Variants in MAML2 observed in about 807,000 individuals in gnomAD.
MAML2 encodes mastermind-like protein 2.
In MAML2, 22 loss-of-function variants were observed where a neutral mutation model predicts 96.1. The ratio of observed to expected loss-of-function variants is 0.23; its 90% CI spans 0.16 to 0.33. MAML2 has a LOEUF of 0.33. MAML2 is among the 10% of genes least tolerant of loss of function. The probability of loss-of-function intolerance (pLI) is 1.00; values close to 1 mark genes in which losing one functional copy is unlikely to be tolerated. For synonymous variants in MAML2, 561 were observed against 521.3 expected, an observed-to-expected ratio of 1.08 and a Z score of -1.04; for missense variants, 1,367 against 1,392.4, an observed-to-expected ratio of 0.98 and a Z score of 0.29.
At chr11:95,999,690 C>A (rs918146434) in intron 2 of MAML2, among the ~76,000 whole-genome samples, 3 of 151,928 alleles carry the variant, frequency 2.0e-5, no homozygotes, top group Non-Finnish European at 2.9e-5. Context: ...ATTTTCCCCC[C>A]ACAAAAATGA....
intron 1 of MAML2, among the ~76,000 whole-genome samples, chr11:96,303,999 A>G (rs762971297): frequency 3.3e-5 from 5 of 152,230 alleles, no homozygotes; most frequent in Non-Finnish European, 5.9e-5. Context: ...GGGTGCCAGG[A>G]TCCAGAGTGG....
rs901825346 is a variant in MAML2 at position 96,304,709 on chromosome 11, T to C, written c.513+36674A>G. On this transcript the variant is annotated intron_variant, in intron 1 of 4. Coordinates refer to ENST00000524717, the MANE Select transcript of MAML2 (RefSeq NM_032427.4). ...GTAATGAATGTATTCATATAAACTC[T>C]TCTTGCAGCAGGCAGAGGAGATACA... Among the ~76,000 whole-genome samples the C allele has an allele frequency of 2.0e-5, 3 of 152,216 alleles. No homozygotes were observed. In the East Asian group the frequency reaches 5.8e-4, roughly 29 times the overall value.
At chr11:96,182,963 T>C (rs866882323) in intron 1 of MAML2, among the ~76,000 whole-genome samples, 28 of 147,906 alleles carry the variant, frequency 1.9e-4, no homozygotes, top group East Asian at 9.8e-4. Context: ...TTTTCTTTTT[T>C]TTTTTTTTTT....
chr11:96,023,827 T>C (rs2135739147), intron 2 of MAML2, among the ~76,000 whole-genome samples: 1 of 152,250 alleles, frequency 6.6e-6, no homozygotes. Flanking sequence ...AGGAGAAAGT[T>C]AGGGAAGCTG....
intron 1 of MAML2, among the ~76,000 whole-genome samples, chr11:96,236,846 A>T (rs972405426): frequency 2.6e-5 from 4 of 152,108 alleles, no homozygotes; most frequent in African/African-American, 9.7e-5. Context: ...TGCCTTTACC[A>T]CATATTATAT....
intron 1 of MAML2, among the ~76,000 whole-genome samples, chr11:96,247,602 A>G (rs1289457325): frequency 6.6e-6 from 1 of 152,160 alleles, no homozygotes; most frequent in Non-Finnish European, 1.5e-5. Context: ...GCTAGGCAGA[A>G]GATGGTGAAG....
chr11:96,118,302 A>G (rs758659270), intron 1 of MAML2, among the ~76,000 whole-genome samples: 3 of 144,984 alleles, frequency 2.1e-5, no homozygotes, highest in African/African-American at 4.9e-5. Context: ...AATTGTAATC[A>G]TTGTAATCCC....
intron 1 of MAML2, among the ~76,000 whole-genome samples, chr11:96,321,034 T>C (rs890003871): frequency 2.6e-5 from 4 of 151,484 alleles, no homozygotes; most frequent in Admixed American, 6.6e-5. Flanking sequence ...TGCCTTCAAA[T>C]AGGGTTTGTG....
At chr11:96,079,057 T>C (rs913948658) in intron 2 of MAML2, among the ~76,000 whole-genome samples, 1 of 152,194 alleles carries the variant, frequency 6.6e-6, no homozygotes, top group African/African-American at 2.4e-5. Context: ...AATGAACTGA[T>C]TGGCATAAAA....
chr11:96,104,849 G>T (rs1045879200), intron 1 of MAML2, among the ~76,000 whole-genome samples: 1 of 151,872 alleles, frequency 6.6e-6, no homozygotes, highest in African/African-American at 2.4e-5. Flanking sequence ...CAATGAAAGG[G>T]GGAGGGAGAA....
chr11:96,103,408 C>G (rs1041402131), intron 1 of MAML2, among the ~76,000 whole-genome samples: 39 of 152,164 alleles, frequency 2.6e-4, no homozygotes, highest in Non-Finnish European at 1.6e-4. Flanking sequence ...AGCCATATAG[C>G]TGATTCTTAG....
At chr11:96,322,298 G>A (rs189848705) in intron 1 of MAML2, among the ~76,000 whole-genome samples, 1 of 152,082 alleles carries the variant, frequency 6.6e-6, no homozygotes, top group African/African-American at 2.4e-5. Context: ...ATGGTAAGAG[G>A]TCACTTAAAA....
chr11:96,223,227 T>C (rs11021476), intron 1 of MAML2, among the ~76,000 whole-genome samples: 18,905 of 152,136 alleles, frequency 0.12, 1,360 homozygotes, highest in African/African-American at 0.18. Flanking sequence ...AGTAATAATA[T>C]ATTAATTATG....
At chr11:96,166,184 C>CACACACAT (rs1555018467) in intron 1 of MAML2, among the ~76,000 whole-genome samples, 2 of 148,576 alleles carry the variant, frequency 1.3e-5, no homozygotes, top group Admixed American at 1.3e-4. Flanking sequence ...CTCTCACACA[C>CACACACAT]ACACACACAC....
chr11:96,090,006 G>A (rs932941821), intron 2 of MAML2, among the ~76,000 whole-genome samples: 10 of 39,182 alleles, frequency 2.6e-4, no homozygotes, highest in South Asian at 1.2e-3. Flanking sequence ...TCTCTTACTC[G>A]TAACATGGAA....
chr11:96,099,923 T>G (rs1859896506), intron 1 of MAML2, among the ~76,000 whole-genome samples: 1 of 152,182 alleles, frequency 6.6e-6, no homozygotes. Flanking sequence ...ATTACAAGCA[T>G]GAGCCACCAT....
chr11:96,234,420 G>T (rs1428791471), intron 1 of MAML2, among the ~76,000 whole-genome samples: 1 of 152,216 alleles, frequency 6.6e-6, no homozygotes, highest in East Asian at 1.9e-4. Context: ...GGCGGAGGTT[G>T]CAGTGAGCCG....
In MAML2 at chr11:96,091,966, T is replaced by C. The variant is rs1269654183; in HGVS notation, c.2065A>G (p.Lys689Glu). ...LLRSPLPLQQ[K>E]LLLQQMQNQP... ...TTCTGCATTTGCTGAAGTAGGAGCT[T>C]TTGCTGAAGTGGCAAAGGTGACCTT... The change falls in exon 2 of 5, where the codon AAG (lysine) becomes GAG (glutamate). Residue 689 changes from lysine to glutamate, a missense_variant. Physicochemically the swap from Lys to Glu is moderately conservative, Grantham distance 56. Transcript: ENST00000524717. The C allele has an allele frequency of 1.2e-6, 2 of 1,609,040 alleles. No individual in the cohort carries two copies. Among genetic ancestry groups the C allele is most frequent in the African/African-American group, 2.7e-5 (2 of 74,742 alleles).
chr11:96,073,454 G>C (rs1394878137), intron 2 of MAML2, among the ~76,000 whole-genome samples: 1 of 151,796 alleles, frequency 6.6e-6, no homozygotes, highest in Non-Finnish European at 1.5e-5. Flanking sequence ...CCAAGTAGCT[G>C]GGACTACAGG....
Sources: allele counts gnomAD v4.1 joint callset (sites outside exome capture counted in the v4.1 genomes callset), GRCh38; gene constraint gnomAD v4.1.1; transcripts MANE v1.5; gene names NCBI Gene and HGNC (gene_info 2026-07-23, HGNC 2026-07-21).